SEMA5A: variants seen among roughly 807,000 people sequenced by gnomAD.
SEMA5A encodes the protein semaphorin-5A.
Under a neutral mutation model 135.5 loss-of-function variants are expected in SEMA5A, and 55 were observed. The observed-to-expected ratio is 0.41, with a 90% CI of 0.33 to 0.51. The LOEUF is 0.51. SEMA5A is among the 20% of genes least tolerant of loss of function. The probability of loss-of-function intolerance (pLI) is 0.37; values close to 1 mark genes in which losing one functional copy is unlikely to be tolerated. For synonymous variants in SEMA5A, 580 were observed against 546.5 expected (o/e 1.06, Z -0.85); for missense variants, 1,290 against 1,419.9 (o/e 0.91, Z 1.47).
At chr5:9,381,944 G>T (rs904891926) in intron 2 of SEMA5A, among the ~76,000 whole-genome samples, 53 of 114,156 alleles carry the variant, frequency 4.6e-4, no homozygotes, top group African/African-American at 1.9e-3. Flanking sequence ...GAATCATTTT[G>T]TGTGTGTGTG....
chr5:9,492,729 C>T (rs867263883), intron 1 of SEMA5A, among the ~76,000 whole-genome samples: 2 of 152,122 alleles, frequency 1.3e-5, no homozygotes, highest in Non-Finnish European at 1.5e-5. Flanking sequence ...ATAGAGGAAC[C>T]TTTAATGCAT....
intron 16 of SEMA5A, among the ~76,000 whole-genome samples, chr5:9,087,120 A>G (rs932874282): frequency 6.6e-6 from 1 of 152,222 alleles, no homozygotes; most frequent in Non-Finnish European, 1.5e-5. Context: ...TGAGGACATC[A>G]TCTAAATCCT....
intron 13 of SEMA5A, among the ~76,000 whole-genome samples, chr5:9,135,150 T>G (rs1741657954): frequency 6.6e-6 from 1 of 151,274 alleles, no homozygotes; most frequent in Non-Finnish European, 1.5e-5. Context: ...CCTTGCTTCA[T>G]CCTGTCTGGT....
intron 16 of SEMA5A, among the ~76,000 whole-genome samples, chr5:9,075,468 G>A (rs748531421): frequency 7.3e-5 from 11 of 151,100 alleles, no homozygotes; most frequent in Non-Finnish European, 1.3e-4. Flanking sequence ...TAATCTTATG[G>A]AATATTAATC....
At chr5:9,387,219 G>A (rs1755933768) in intron 2 of SEMA5A, among the ~76,000 whole-genome samples, 1 of 152,190 alleles carries the variant, frequency 6.6e-6, no homozygotes. Context: ...CAGACCAGGA[G>A]CATAGCCTTG....
chr5:9,462,560 G>C (rs573291888), intron 1 of SEMA5A, among the ~76,000 whole-genome samples: 1 of 152,154 alleles, frequency 6.6e-6, no homozygotes, highest in South Asian at 2.1e-4. Flanking sequence ...CAATAGCAAA[G>C]ACATGGAATC....
At chr5:9,200,251 C>CAAATAGTTTGCAAATTT (rs1745632382) in intron 9 of SEMA5A, among the ~76,000 whole-genome samples, 1 of 152,200 alleles carries the variant, frequency 6.6e-6, no homozygotes. Context: ...GAATTTGCAA[C>CAAATAGTTTGCAAATTT]ACTAAACAAA....
At chr5:9,362,536 A>C (rs2126385180) in intron 3 of SEMA5A, among the ~76,000 whole-genome samples, 1 of 152,334 alleles carries the variant, frequency 6.6e-6, no homozygotes, top group East Asian at 1.9e-4. Context: ...TCATGCTGAT[A>C]AATATGAACA....
intron 8 of SEMA5A, among the ~76,000 whole-genome samples, chr5:9,213,573 G>T (rs1476287635): frequency 1.3e-5 from 2 of 152,176 alleles, no homozygotes; most frequent in African/African-American, 2.4e-5. Flanking sequence ...AGCTTTCCAG[G>T]CAGAACAGCG....
At chr5:9,364,101 C>G (rs1182385099) in intron 3 of SEMA5A, among the ~76,000 whole-genome samples, 1 of 152,200 alleles carries the variant, frequency 6.6e-6, no homozygotes, top group African/African-American at 2.4e-5. Context: ...TCTTCCCACT[C>G]TTTCTTTCCT....
chr5:9,229,174 T>C (rs1356947218), intron 6 of SEMA5A, among the ~76,000 whole-genome samples: 1 of 152,228 alleles, frequency 6.6e-6, no homozygotes, highest in African/African-American at 2.4e-5. Flanking sequence ...TAACCACTTA[T>C]CATTGGAAGC....
chr5:9,507,983 G>A (rs1186479697), intron 1 of SEMA5A, among the ~76,000 whole-genome samples: 2 of 147,914 alleles, frequency 1.4e-5, no homozygotes, highest in African/African-American at 2.5e-5. Flanking sequence ...CAGCCTGGGC[G>A]AGAGAGCAAG....
intron 1 of SEMA5A, among the ~76,000 whole-genome samples, chr5:9,438,426 A>G (rs1858428): frequency 0.61 from 92,256 of 152,150 alleles, 28,095 homozygotes; most frequent in East Asian, 0.73. Context: ...AAAACCAAGT[A>G]AACCTGTCCA....
intron 2 of SEMA5A, among the ~76,000 whole-genome samples, chr5:9,407,996 T>TCATCATCATCACTAC (rs1756955318): frequency 6.8e-6 from 1 of 146,410 alleles, no homozygotes; most frequent in Non-Finnish European, 1.5e-5. Context: ...ACTACTGCCA[T>TCATCATCATCACTAC]CATCACCATC....
chr5:9,330,710 G>A (rs1008041399), intron 4 of SEMA5A, among the ~76,000 whole-genome samples: 5 of 152,072 alleles, frequency 3.3e-5, no homozygotes, highest in East Asian at 3.9e-4. Flanking sequence ...TCAAATAAGC[G>A]AATTAGAAGA....
chr5:9,046,507 G>T (rs1736263983), intron 21 of SEMA5A, among the ~76,000 whole-genome samples: 1 of 152,172 alleles, frequency 6.6e-6, no homozygotes, highest in Non-Finnish European at 1.5e-5. Flanking sequence ...CAAAGGGAGG[G>T]TCACTGTTCA....
At chr5:9,477,197 G>A (rs1282267860) in intron 1 of SEMA5A, among the ~76,000 whole-genome samples, 2 of 151,962 alleles carry the variant, frequency 1.3e-5, no homozygotes, top group East Asian at 3.9e-4. Flanking sequence ...GTTTCATGAG[G>A]CCTCACCAGC....
intron 11 of SEMA5A, among the ~76,000 whole-genome samples, chr5:9,164,780 G>A (rs1214011635): frequency 9.9e-5 from 15 of 152,088 alleles, no homozygotes; most frequent in African/African-American, 3.6e-4. Context: ...TAAAGAAAAG[G>A]TCTCTGATTA....
chr5:9,427,268 G>A (rs894707896), intron 2 of SEMA5A, among the ~76,000 whole-genome samples: 8 of 152,046 alleles, frequency 5.3e-5, no homozygotes, highest in Non-Finnish European at 7.4e-5. Context: ...CCGAGATCCC[G>A]CCACTGCTCT....
Sources: gnomAD v4.1 joint callset for allele counts (sites outside exome capture counted in the v4.1 genomes callset) on GRCh38, gnomAD v4.1.1 for gene constraint, MANE v1.5 for transcripts, NCBI Gene and HGNC (gene_info 2026-07-23, HGNC 2026-07-21) for gene names.